The following CNTLN variants were observed in gnomAD, a reference collection of about 807,000 sequenced individuals.
CNTLN encodes centlein.
In CNTLN, 212 loss-of-function variants were observed where a neutral mutation model predicts 180.0. The ratio of observed to expected loss-of-function variants is 1.18; its 90% confidence interval spans 1.05 to 1.32. The LOEUF is 1.32. Ranked by LOEUF, CNTLN falls within the 40% of genes most tolerant of loss-of-function variation. The probability of loss-of-function intolerance (pLI) is 0.00; values close to 1 mark genes in which losing one functional copy is unlikely to be tolerated. For synonymous variants in CNTLN, 722 were observed against 563.1 expected, an observed-to-expected ratio of 1.28 and a Z score of -3.99; for missense variants, 2,095 against 1,610.9, an observed-to-expected ratio of 1.30 and a Z score of -5.14.
At chr9:17,442,690 T>A (rs1830179175) in intron 18 of CNTLN, among the ~76,000 whole-genome samples, 1 of 152,182 alleles carries the variant, frequency 6.6e-6, no homozygotes, top group Admixed American at 6.5e-5. Flanking sequence ...TAAGCCACCA[T>A]GCCCAGCTAA....
chr9:17,355,207 G>A (rs1282093035), intron 12 of CNTLN, among the ~76,000 whole-genome samples: 1 of 152,156 alleles, frequency 6.6e-6, no homozygotes, highest in Non-Finnish European at 1.5e-5. Context: ...TTTTAGTAGG[G>A]ACGGGGTTTC....
chr9:17,352,416 A>ATATT (rs1469636947), intron 12 of CNTLN, among the ~76,000 whole-genome samples: 15 of 31,302 alleles, frequency 4.8e-4, no homozygotes, highest in African/African-American at 1.7e-3. Context: ...ATATATATAT[A>ATATT]TTTTTTTTTT....
At chr9:17,316,065 T>C (rs1819522377) in intron 8 of CNTLN, among the ~76,000 whole-genome samples, 1 of 151,994 alleles carries the variant, frequency 6.6e-6, no homozygotes, top group African/African-American at 2.4e-5. Context: ...TGTTTAATTG[T>C]CTTTTTTTCT....
At chr9:17,356,111 G>A (rs1006469166) in intron 12 of CNTLN, among the ~76,000 whole-genome samples, 1 of 150,218 alleles carries the variant, frequency 6.7e-6, no homozygotes, top group East Asian at 1.9e-4. Flanking sequence ...ACAGGAAAAA[G>A]CATTGCATAT....
chr9:17,330,239 A>T (rs1453639120), intron 8 of CNTLN, among the ~76,000 whole-genome samples: 2 of 152,142 alleles, frequency 1.3e-5, no homozygotes, highest in South Asian at 4.1e-4. Flanking sequence ...TCCCAGGTTT[A>T]TATTCTATGG....
chr9:17,309,313 A>G (rs78359995), intron 8 of CNTLN, 61 bp downstream of exon 8: 67,412 of 1,281,366 alleles, frequency 0.053, 2,161 homozygotes, highest in Non-Finnish European at 0.064. Context: ...ATCTCCTACA[A>G]TTGACTAAAA....
At position 17,185,771 on chromosome 9, in the gene CNTLN, T is replaced by TTGTGTGTGTGTGTGTGTGTGTG. The variant is rs371473319; in HGVS notation, c.450-40422_450-40401dup. Among the ~76,000 whole-genome samples the TTGTGTGTGTGTGTGTGTGTGTG allele has an allele frequency of 2.0e-3, 290 of 143,718 alleles. 1 individual carries two copies. Among genetic ancestry groups the TTGTGTGTGTGTGTGTGTGTGTG allele is most frequent in the South Asian group, 7.1e-3 (31 of 4,380 alleles). 94.3% of individuals were successfully genotyped at this position (143,718 alleles called of 152,430 possible). Reference sequence around the variant, plus strand: ...CTTTGCTTTTTGAAATGTTTCCCATTTGTGTGTGTGTGTGTGTGTGTGTGT... The same window carrying TTGTGTGTGTGTGTGTGTGTGTG: ...CTTTGCTTTTTGAAATGTTTCCCATTTGTGTGTGTGTGTGTGTGTGTGTGTGTGTGTGTGTGTGTGTGTGTGT... On this transcript the variant is annotated intron_variant, in intron 2 of 25. Coordinates refer to ENST00000380647, the MANE Select transcript of CNTLN (RefSeq NM_017738.4).
chr9:17,164,637 G>A (rs980818828), intron 2 of CNTLN, among the ~76,000 whole-genome samples: 58 of 150,758 alleles, frequency 3.8e-4, no homozygotes, highest in Non-Finnish European at 1.2e-4. Flanking sequence ...TGTAGAGACA[G>A]GGTTTCACTA....
Position 17,150,315 on chromosome 9 carries a change from G to C in CNTLN, c.449+6939G>C, listed in dbSNP as rs185349105. Among the ~76,000 whole-genome samples the C allele has an allele frequency of 2.0e-5, 3 of 152,230 alleles. No homozygotes were observed. The East Asian group carries it at 5.8e-4, about 29-fold the overall frequency. The stretch of plus-strand genomic sequence containing the variant: ...CGTTTAAGTCTTTGATCCATCTTGA[G>C]TTTATTTTTGTAAAAGGTGTAAGTG... On this transcript the variant is annotated intron_variant, in intron 2 of 25. Coordinates refer to ENST00000380647, the MANE Select transcript of CNTLN (RefSeq NM_017738.4).
chr9:17,423,905 G>A (rs778643403), intron 18 of CNTLN, among the ~76,000 whole-genome samples: 3 of 152,104 alleles, frequency 2.0e-5, no homozygotes, highest in Non-Finnish European at 4.4e-5. Flanking sequence ...TGTAGGCAAT[G>A]CAAGACTCTC....
At chr9:17,516,695 C>T in the CNTLN span, among the ~76,000 whole-genome samples, 10 of 152,232 alleles carry the variant, frequency 6.6e-5, no homozygotes, top group East Asian at 5.8e-4. Context: ...GGTAAGTCAG[C>T]GAACCCCTTT....
intron 12 of CNTLN, among the ~76,000 whole-genome samples, chr9:17,366,076 C>T (rs1408457516): frequency 6.6e-6 from 1 of 152,044 alleles, no homozygotes; most frequent in Non-Finnish European, 1.5e-5. Flanking sequence ...TTTGATTTTC[C>T]AGGTCCTCAG....
chr9:17,492,191 A>T (rs1833202056), intron 25 of CNTLN, among the ~76,000 whole-genome samples: 1 of 152,094 alleles, frequency 6.6e-6, no homozygotes, highest in African/African-American at 2.4e-5. Context: ...ATGTGATTAC[A>T]GTTAAAAGGA....
chr9:17,383,117 AATATT>A (rs1377893400), intron 13 of CNTLN, among the ~76,000 whole-genome samples: 2 of 151,960 alleles, frequency 1.3e-5, no homozygotes, highest in Non-Finnish European at 2.9e-5. Flanking sequence ...AAATATATAA[AATATT>A]ATATAAAACA....
intron 6 of CNTLN, among the ~76,000 whole-genome samples, chr9:17,274,756 T>C (rs1365946883): frequency 6.6e-6 from 1 of 152,084 alleles, no homozygotes; most frequent in Non-Finnish European, 1.5e-5. Context: ...AAAACTTGTC[T>C]GGGAATTTTC....
intron 8 of CNTLN, among the ~76,000 whole-genome samples, chr9:17,324,701 G>A (rs1204183077): frequency 6.6e-6 from 1 of 152,038 alleles, no homozygotes; most frequent in Non-Finnish European, 1.5e-5. Context: ...AACCCACTCG[G>A]TGTTAAGTTT....
rs140689267 is a variant in CNTLN at position 17,136,917 on chromosome 9, C to G, written c.360+1492C>G. 1.6e-3 allele frequency among the ~76,000 whole-genome samples: 242 copies of G among 152,188 alleles called. 1 individual carries two copies. The highest frequency in any genetic ancestry group is 5.6e-3 in the African/African-American group (233 of 41,530). On this transcript the variant is annotated intron_variant, in intron 1 of 25. Transcript: ENST00000380647. The stretch of plus-strand genomic sequence containing the variant: ...GGCCTTTGATACTCTGAGTCCTAAT[C>G]TAAGACACTCTTTGGCATATTTTCC...
At position 17,486,343 on chromosome 9, in the gene CNTLN, GT is replaced by G. The variant is rs940339862; in HGVS notation, c.4042-636del. On this transcript the variant is annotated intron_variant, in intron 24 of 25. Coordinates refer to ENST00000380647, the MANE Select transcript of CNTLN (RefSeq NM_017738.4). Reference sequence around the variant, plus strand: ...ACGCCCTTCCCTTCTTGGAAAGTCAGTTTTTTTTTTCGTAAACTGAAATTAC... The same window carrying G: ...ACGCCCTTCCCTTCTTGGAAAGTCAGTTTTTTTTTCGTAAACTGAAATTAC... 8.2e-4 allele frequency among the ~76,000 whole-genome samples: 122 copies of G among 149,110 alleles called. 1 individual carries two copies. The South Asian group carries it at 0.02, about 25-fold the overall frequency.
chr9:17,365,107 C>A (rs943533144), intron 12 of CNTLN, among the ~76,000 whole-genome samples: 40 of 152,152 alleles, frequency 2.6e-4, no homozygotes, highest in African/African-American at 9.4e-4. Flanking sequence ...TGTCCCTGCC[C>A]AAATTTCATG....
Sources: gnomAD v4.1 joint callset for allele counts (sites outside exome capture counted in the v4.1 genomes callset) on GRCh38, gnomAD v4.1.1 for gene constraint, MANE v1.5 for transcripts, NCBI Gene and HGNC (gene_info 2026-07-23, HGNC 2026-07-21) for gene names.